MARCHF4: variants seen among roughly 807,000 people sequenced by gnomAD.
MARCHF4 encodes the protein membrane associated ring-CH-type finger 4, also known as E3 ubiquitin-protein ligase MARCHF4.
In MARCHF4, 14 loss-of-function variants were observed where a neutral mutation model predicts 43.9. That is an observed-to-expected ratio of 0.32 (90% CI 0.21 to 0.50). The LOEUF (loss-of-function observed/expected upper bound fraction) is 0.50, where lower values mean the gene tolerates loss of function less well. Among genes scored for constraint, MARCHF4 ranks in the 20% least tolerant of loss-of-function variants. The pLI, the probability that MARCHF4 is intolerant of heterozygous loss-of-function variation, is 0.98. For synonymous variants in MARCHF4, 226 were observed against 213.3 expected, an observed-to-expected ratio of 1.06 and a Z score of -0.52; for missense variants, 468 against 536.7, an observed-to-expected ratio of 0.87 and a Z score of 1.27.
chr2:216,358,121 T>C (rs1383249091), intron 1 of MARCHF4, among the ~76,000 whole-genome samples: 1 of 152,242 alleles, frequency 6.6e-6, no homozygotes, highest in Non-Finnish European at 1.5e-5. Context: ...ATTGTATCAG[T>C]TAACCTCACA....
At position 216,283,059 on chromosome 2, in the gene MARCHF4, T is replaced by C. The variant is rs1691156492; in HGVS notation, c.672+515A>G. Among the ~76,000 whole-genome samples the C allele has an allele frequency of 2.0e-5, 3 of 152,196 alleles. No individual in the cohort carries two copies. In the South Asian group the frequency reaches 6.2e-4, roughly 32 times the overall value. On this transcript the variant is annotated intron_variant, in intron 2 of 3. Transcript: ENST00000273067. ...CAGATCAATTACATGCACATTGATG[T>C]ATGAGAAGGGCCATTGAGTCTATTC...
intron 1 of MARCHF4, among the ~76,000 whole-genome samples, chr2:216,299,186 A>G (rs2105948636): frequency 6.6e-6 from 1 of 152,064 alleles, no homozygotes; most frequent in Admixed American, 6.6e-5. Flanking sequence ...GGAATAGCTA[A>G]GTCAGAAATG....
intron 1 of MARCHF4, among the ~76,000 whole-genome samples, chr2:216,335,297 G>A (rs748083210): frequency 2.0e-5 from 3 of 152,178 alleles, no homozygotes; most frequent in Non-Finnish European, 4.4e-5. Context: ...ATATGCCATT[G>A]AGAAATTGAC....
At position 216,344,298 on chromosome 2, in the gene MARCHF4, A is replaced by G. The variant is rs78725399; in HGVS notation, c.516+25447T>C. 6.6e-3 allele frequency among the ~76,000 whole-genome samples: 1,011 copies of G among 152,314 alleles called. 25 individuals are homozygous for G. The East Asian group carries it at 0.07, about 10-fold the overall frequency. On this transcript the variant is annotated intron_variant, in intron 1 of 3. Coordinates refer to ENST00000273067, the MANE Select transcript of MARCHF4 (RefSeq NM_020814.3). ...ATGTGACAATACTTGCTCTTCCTCT[A>G]CATAATGTACTCTGACTTTTCCTAT...
chr2:216,368,078 A>G (rs916719946), intron 1 of MARCHF4, among the ~76,000 whole-genome samples: 20 of 152,330 alleles, frequency 1.3e-4, no homozygotes, highest in Non-Finnish European at 2.2e-4. Flanking sequence ...TGTTTTCTAG[A>G]GACAAGAATG....
Position 216,364,763 on chromosome 2 carries a change from C to T in MARCHF4, c.516+4982G>A, listed in dbSNP as rs115734436. On this transcript the variant is annotated intron_variant, in intron 1 of 3. Transcript: ENST00000273067. ...GCTCATTAGTACAGGCTAGAGTCAGCGTTGGAAAGAGAATCAGAATGTCCT... is the reference window on the plus strand; with the variant it reads ...GCTCATTAGTACAGGCTAGAGTCAGTGTTGGAAAGAGAATCAGAATGTCCT... Among the ~76,000 whole-genome samples the T allele has an allele frequency of 5.4e-3, 829 of 152,250 alleles. 8 individuals carry two copies. Among genetic ancestry groups the T allele is most frequent in the African/African-American group, 0.019 (780 of 41,528 alleles).
chr2:216,342,906 CTG>C lies in MARCHF4; in HGVS notation c.516+26837_516+26838del, dbSNP rs148179348. Among the ~76,000 whole-genome samples, 1,504 of 152,104 alleles carry C rather than the reference CTG, an allele frequency of 9.9e-3. 35 individuals are homozygous for C. Among genetic ancestry groups the C allele is most frequent in the African/African-American group, 0.034 (1,423 of 41,474 alleles). The stretch of plus-strand genomic sequence containing the variant: ...GCTCTTGTGATCACCTTCAGCAAGA[CTG>C]TGCTGTAGTGACAAGCATGAGAGCA... On this transcript the variant is annotated intron_variant, in intron 1 of 3. Transcript: ENST00000273067.
rs994283389 is a variant in MARCHF4, at chr2:216,321,501, A to T, written c.517-37772T>A. 14 of 152,244 alleles carry T rather than the reference A, an allele frequency of 9.2e-5. 1 individual carries two copies. Among genetic ancestry groups the T allele is most frequent in the African/African-American group, 3.1e-4 (13 of 41,472 alleles). 9.4% of individuals were successfully genotyped at this position (152,244 alleles called of 1,614,324 possible). On this transcript the variant is annotated intron_variant, in intron 1 of 3. Transcript: ENST00000273067. ...AGATATGAATGATGGCTAGGAACTG[A>T]GTTGGCAAAGAGGGGAGGGAAAATG...
intron 1 of MARCHF4, among the ~76,000 whole-genome samples, chr2:216,304,511 T>G (rs1404668919): frequency 1.3e-5 from 2 of 152,202 alleles, no homozygotes; most frequent in Non-Finnish European, 2.9e-5. Context: ...AGGCCAAAAT[T>G]TCTCCTAAGG....
intron 1 of MARCHF4, among the ~76,000 whole-genome samples, chr2:216,332,024 G>T (rs1559101558): frequency 6.6e-6 from 1 of 152,050 alleles, no homozygotes; most frequent in Non-Finnish European, 1.5e-5. Flanking sequence ...GGAAAGAAAA[G>T]AATAAAATTT....
At chr2:216,345,266 G>A (rs1692301331) in intron 1 of MARCHF4, among the ~76,000 whole-genome samples, 1 of 151,878 alleles carries the variant, frequency 6.6e-6, no homozygotes, top group Admixed American at 6.6e-5. Context: ...TCTCCCCAAG[G>A]TTACACATCG....
intron 1 of MARCHF4, among the ~76,000 whole-genome samples, chr2:216,318,777 C>T (rs751992627): frequency 6.6e-6 from 1 of 152,052 alleles, no homozygotes; most frequent in Non-Finnish European, 1.5e-5. Context: ...ACAGAAAGCG[C>T]TTACAGCTAA....
At chr2:216,366,620 C>T (rs969062938) in intron 1 of MARCHF4, among the ~76,000 whole-genome samples, 1 of 152,158 alleles carries the variant, frequency 6.6e-6, no homozygotes, top group Non-Finnish European at 1.5e-5. Context: ...TAGACCTATG[C>T]ATTGCTGGGC....
At chr2:216,263,869 G>A (rs185810609) in intron 3 of MARCHF4, among the ~76,000 whole-genome samples, 89 of 152,286 alleles carry the variant, frequency 5.8e-4, no homozygotes, top group Middle Eastern at 3.4e-3. Flanking sequence ...TGGGAAGACC[G>A]GCTCAGATGT....
At chr2:216,278,090 G>C (rs961762869) in intron 2 of MARCHF4, among the ~76,000 whole-genome samples, 3 of 152,184 alleles carry the variant, frequency 2.0e-5, no homozygotes, top group African/African-American at 7.2e-5. Flanking sequence ...ATTGTAAGGA[G>C]GGGGCTCTAG....
At chr2:216,281,762 A>C (rs1691132015) in intron 2 of MARCHF4, among the ~76,000 whole-genome samples, 1 of 152,154 alleles carries the variant, frequency 6.6e-6, no homozygotes, top group Non-Finnish European at 1.5e-5. Context: ...AATCAGAGGG[A>C]GCCCCCAGCA....
chr2:216,300,432 C>T lies in MARCHF4; in HGVS notation c.517-16703G>A, dbSNP rs115288473. 7.0e-3 allele frequency among the ~76,000 whole-genome samples: 1,057 copies of T among 151,296 alleles called. 13 individuals are homozygous for T. The highest frequency in any genetic ancestry group is 0.024 in the African/African-American group (981 of 41,104). ...GATCACAGCTCACTGCAGCCTCGAC[C>T]TCCCAGGCTCGAGTGATCGTCCCAC... is the stretch of plus-strand genomic sequence containing the variant. On this transcript the variant is annotated intron_variant, in intron 1 of 3. Transcript: ENST00000273067.
chr2:216,271,048 A>G (rs1690926630), intron 3 of MARCHF4, among the ~76,000 whole-genome samples: 2 of 152,194 alleles, frequency 1.3e-5, no homozygotes, highest in Non-Finnish European at 2.9e-5. Flanking sequence ...CTAGAGTTCA[A>G]TTTAAAATGC....
intron 3 of MARCHF4, among the ~76,000 whole-genome samples, chr2:216,268,709 G>C (rs1420619109): frequency 1.3e-5 from 2 of 152,220 alleles, no homozygotes; most frequent in African/African-American, 4.8e-5. Flanking sequence ...TTCAGACCTA[G>C]ATCTGCTTCC....
Sources: gnomAD v4.1 joint callset for allele counts (sites outside exome capture counted in the v4.1 genomes callset) on GRCh38, gnomAD v4.1.1 for gene constraint, MANE v1.5 for transcripts, NCBI Gene and HGNC (gene_info 2026-07-23, HGNC 2026-07-21) for gene names.